The following TNNI3K variants were observed in gnomAD, a reference collection of about 807,000 sequenced individuals.
The protein encoded by TNNI3K is serine/threonine-protein kinase TNNI3K.
TNNI3K carries 140 observed loss-of-function variants against 114.5 expected under a neutral mutation model. The observed-to-expected ratio is 1.22, with a 90% CI of 1.07 to 1.41. The LOEUF is 1.41. Among genes scored for constraint, TNNI3K ranks in the 40% most tolerant of loss-of-function variants. The pLI, the probability that TNNI3K is intolerant of heterozygous loss-of-function variation, is 0.00. For synonymous variants in TNNI3K, 347 were observed against 347.5 expected, an observed-to-expected ratio of 1.00 and a Z score of 0.02; for missense variants, 1,125 against 1,007.6, an observed-to-expected ratio of 1.12 and a Z score of -1.58.
chr1:74,363,297 C>T (rs994373480), intron 11 of TNNI3K, among the ~76,000 whole-genome samples: 5 of 151,946 alleles, frequency 3.3e-5, no homozygotes, highest in Non-Finnish European at 7.4e-5. Flanking sequence ...ATTTCCCATA[C>T]GTGGGTGCCT....
At chr1:74,321,441 G>C (rs1328971583) in intron 5 of TNNI3K, among the ~76,000 whole-genome samples, 1 of 151,882 alleles carries the variant, frequency 6.6e-6, no homozygotes, top group African/African-American at 2.4e-5. Flanking sequence ...TTAGTGAAAG[G>C]ATGTTACTTG....
chr1:74,530,656 G>C (rs879149442), intron 23 of TNNI3K, among the ~76,000 whole-genome samples: 3 of 152,008 alleles, frequency 2.0e-5, no homozygotes, highest in Non-Finnish European at 2.9e-5. Flanking sequence ...TTGGTAAGAT[G>C]GTAGGTGGGA....
intron 5 of TNNI3K, among the ~76,000 whole-genome samples, chr1:74,308,693 A>G (rs766204480): frequency 6.6e-6 from 1 of 152,190 alleles, no homozygotes; most frequent in Non-Finnish European, 1.5e-5. Flanking sequence ...AAAACAATAT[A>G]CAAATAATCA....
intron 10 of TNNI3K, among the ~76,000 whole-genome samples, chr1:74,353,611 C>T (rs1400964496): frequency 6.7e-6 from 1 of 149,622 alleles, no homozygotes. Flanking sequence ...TAGGGACAGA[C>T]TGACCACACT....
chr1:74,407,714 T>C lies in TNNI3K; in HGVS notation c.1773-28366T>C, dbSNP rs114794812. On this transcript the variant is annotated intron_variant, in intron 17 of 24. Coordinates refer to ENST00000326637, the MANE Select transcript of TNNI3K (RefSeq NM_015978.3). ...AAGTGAAGAGGAGATACCTGGTCTC[T>C]AAACTACATCAACTTTCTGTGCTAT... Among the ~76,000 whole-genome samples the C allele has an allele frequency of 4.1e-3, 622 of 152,280 alleles. 6 individuals are homozygous for C. The highest frequency in any genetic ancestry group is 0.014 in the African/African-American group (584 of 41,570).
intron 17 of TNNI3K, among the ~76,000 whole-genome samples, chr1:74,381,667 C>G (rs1403427152): frequency 6.6e-6 from 1 of 152,048 alleles, no homozygotes; most frequent in Non-Finnish European, 1.5e-5. Context: ...CCTCTCACTC[C>G]TTCTTGGTTC....
At chr1:74,239,067 T>A (rs921884127) in intron 2 of TNNI3K, among the ~76,000 whole-genome samples, 1 of 152,128 alleles carries the variant, frequency 6.6e-6, no homozygotes, top group African/African-American at 2.4e-5. Flanking sequence ...GAGAACTCTT[T>A]GCCTGAGGTG....
chr1:74,477,095 C>A (rs1392439619), intron 21 of TNNI3K, among the ~76,000 whole-genome samples: 1 of 151,990 alleles, frequency 6.6e-6, no homozygotes, highest in Non-Finnish European at 1.5e-5. Context: ...AAATAATAAT[C>A]CTTTTATTGA....
intron 21 of TNNI3K, among the ~76,000 whole-genome samples, chr1:74,478,749 C>A (rs895898159): frequency 6.6e-6 from 1 of 152,166 alleles, no homozygotes; most frequent in Non-Finnish European, 1.5e-5. Flanking sequence ...ATTGCCTATG[C>A]GTGCATCTGT....
chr1:74,266,901 A>T (rs562327235), intron 4 of TNNI3K, among the ~76,000 whole-genome samples: 1 of 152,092 alleles, frequency 6.6e-6, no homozygotes, highest in South Asian at 2.1e-4. Context: ...TTTCTCAAGG[A>T]TATAGCTGGA....
At chr1:74,308,117 A>G (rs1658763941) in intron 5 of TNNI3K, among the ~76,000 whole-genome samples, 1 of 152,016 alleles carries the variant, frequency 6.6e-6, no homozygotes, top group African/African-American at 2.4e-5. Flanking sequence ...CAAGGCAGAA[A>G]ACCAACAAAG....
At chr1:74,311,793 C>G (rs1396723027) in intron 5 of TNNI3K, among the ~76,000 whole-genome samples, 1 of 151,976 alleles carries the variant, frequency 6.6e-6, no homozygotes, top group Non-Finnish European at 1.5e-5. Context: ...GCAGAAAAAT[C>G]CTTTGCTTTT....
At chr1:74,282,169 G>T (rs1305622572) in intron 5 of TNNI3K, among the ~76,000 whole-genome samples, 4 of 151,936 alleles carry the variant, frequency 2.6e-5, no homozygotes, top group African/African-American at 9.7e-5. Context: ...GTACATTACA[G>T]TAGAGTTAGA....
intron 10 of TNNI3K, 43 bp downstream of exon 10, chr1:74,353,403 A>G (rs1174927689): frequency 1.2e-6 from 2 of 1,603,062 alleles, no homozygotes; most frequent in South Asian, 1.1e-5. Context: ...TATGCTTATC[A>G]ATGATTAAGA....
At chr1:74,322,461 C>CTTTT (rs113272069) in intron 5 of TNNI3K, among the ~76,000 whole-genome samples, 4 of 138,906 alleles carry the variant, frequency 2.9e-5, no homozygotes, top group Admixed American at 7.3e-5. Context: ...CTAATTCTAC[C>CTTTT]TTTTTTTTTT....
At chr1:74,351,968 T>C (rs1453141424) in intron 9 of TNNI3K, among the ~76,000 whole-genome samples, 1 of 152,104 alleles carries the variant, frequency 6.6e-6, no homozygotes, top group Non-Finnish European at 1.5e-5. Context: ...CCTCTCAACT[T>C]GTCAAAGTCA....
chr1:74,283,333 A>T (rs1018027757), intron 5 of TNNI3K, among the ~76,000 whole-genome samples: 1 of 152,212 alleles, frequency 6.6e-6, no homozygotes, highest in African/African-American at 2.4e-5. Flanking sequence ...TCTGGAGATA[A>T]ACACAAGATC....
intron 5 of TNNI3K, among the ~76,000 whole-genome samples, chr1:74,323,558 G>A (rs1373015909): frequency 6.6e-6 from 1 of 152,114 alleles, no homozygotes; most frequent in African/African-American, 2.4e-5. Context: ...AGGTGGCTGG[G>A]AAATAGGGAA....
chr1:74,254,173 G>A (rs1655133923), intron 4 of TNNI3K, among the ~76,000 whole-genome samples: 1 of 151,924 alleles, frequency 6.6e-6, no homozygotes, highest in Non-Finnish European at 1.5e-5. Context: ...TTTTTTTTTA[G>A]AACCATTTGA....
Sources: allele counts gnomAD v4.1 joint callset (sites outside exome capture counted in the v4.1 genomes callset), GRCh38; gene constraint gnomAD v4.1.1; transcripts MANE v1.5; gene names NCBI Gene and HGNC (gene_info 2026-07-23, HGNC 2026-07-21).